The following GXYLT2 variants were observed in gnomAD, a reference collection of about 807,000 sequenced individuals.
GXYLT2 encodes the protein glycosyltransferase 8 domain containing 4.
GXYLT2 carries 53 observed loss-of-function variants against 45.8 expected under a neutral mutation model. That is an observed-to-expected ratio of 1.16 (90% CI 0.93 to 1.46). The LOEUF is 1.46. Ranked by LOEUF, GXYLT2 falls within the 40% of genes most tolerant of loss-of-function variation. The probability of loss-of-function intolerance (pLI) is 0.00; values close to 1 mark genes in which losing one functional copy is unlikely to be tolerated. For synonymous variants in GXYLT2, 219 were observed against 214.2 expected (o/e 1.02, Z -0.19); for missense variants, 551 against 544.4 (o/e 1.01, Z -0.12).
At chr3:72,968,507 A>G (rs375300488) in intron 6 of GXYLT2, among the ~76,000 whole-genome samples, 1 of 152,262 alleles carries the variant, frequency 6.6e-6, no homozygotes, top group Non-Finnish European at 1.5e-5. Flanking sequence ...GCAGAAGTGC[A>G]TGCAAGCAGC....
intron 3 of GXYLT2, 103 bp downstream of exon 3, chr3:72,922,438 T>G (rs1709848456): frequency 2.5e-6 from 3 of 1,178,356 alleles, no homozygotes; most frequent in African/African-American, 1.5e-5. Context: ...TGAAAACCTG[T>G]GTCTCTTGGA....
chr3:72,956,214 C>G (rs1301750436), intron 4 of GXYLT2, among the ~76,000 whole-genome samples: 11 of 151,850 alleles, frequency 7.2e-5, no homozygotes, highest in Non-Finnish European at 1.3e-4. Context: ...GCACTTCACC[C>G]TAAACAACAG....
In GXYLT2 at chr3:72,975,367, A is replaced by AC. The variant is rs371869973; in HGVS notation, c.*208_*209insC. On this transcript the variant is annotated 3_prime_UTR_variant, in exon 7 of 7. Coordinates refer to ENST00000389617, the MANE Select transcript of GXYLT2 (RefSeq NM_001080393.2). ...TTTTCTAAAATGCTATTTATCTCTA[A>AC]GGAAAAAAAAAAAAGACTATTACTC... is the stretch of plus-strand genomic sequence containing the variant. 176 of 327,176 alleles carry AC rather than the reference A, an allele frequency of 5.4e-4. No individual in the cohort carries two copies. In the African/African-American group the frequency reaches 5.9e-3, roughly 11 times the overall value. The allele number at this position is 327,176 out of a possible 1,614,324, so 20.3% of individuals were successfully genotyped here. A position where few individuals can be genotyped will look rare whatever the true frequency, so the allele number is the denominator to read the frequency against.
chr3:72,966,635 GT>G (rs35233279), intron 5 of GXYLT2, among the ~76,000 whole-genome samples: 4 of 147,900 alleles, frequency 2.7e-5, no homozygotes, highest in South Asian at 4.3e-4. Context: ...TGGTTTGTTC[GT>G]TTTTTTTTGT....
chr3:72,898,448 A>G (rs932306575), intron 1 of GXYLT2, among the ~76,000 whole-genome samples: 1 of 152,244 alleles, frequency 6.6e-6, no homozygotes, highest in Non-Finnish European at 1.5e-5. Flanking sequence ...GGAGATGGAG[A>G]AATAGAATCT....
chr3:72,962,150 C>A (rs974621220), intron 5 of GXYLT2, among the ~76,000 whole-genome samples: 10 of 152,162 alleles, frequency 6.6e-5, no homozygotes, highest in African/African-American at 2.4e-4. Context: ...TTCACCACAC[C>A]AAAGCACCCA....
chr3:72,970,106 A>T (rs1405680611), intron 6 of GXYLT2, among the ~76,000 whole-genome samples: 3 of 151,950 alleles, frequency 2.0e-5, no homozygotes, highest in Non-Finnish European at 4.4e-5. Context: ...ATCCTAGCAC[A>T]TTGGGAGGCT....
chr3:72,939,706 G>T (rs1244004255), intron 3 of GXYLT2, among the ~76,000 whole-genome samples: 1 of 148,374 alleles, frequency 6.7e-6, no homozygotes, highest in Non-Finnish European at 1.5e-5. Context: ...TTTAAACATG[G>T]GTCTCAGTCT....
chr3:72,956,815 G>A (rs958191506), intron 4 of GXYLT2, among the ~76,000 whole-genome samples: 3 of 151,620 alleles, frequency 2.0e-5, no homozygotes, highest in Non-Finnish European at 4.4e-5. Flanking sequence ...GCTTGAACCC[G>A]GGAGGTGGAG....
At chr3:72,904,444 C>T (rs1709466167) in intron 1 of GXYLT2, among the ~76,000 whole-genome samples, 1 of 152,290 alleles carries the variant, frequency 6.6e-6, no homozygotes, top group South Asian at 2.1e-4. Context: ...GCAAAGGTCT[C>T]ATTAAATCCC....
chr3:72,888,276 C>T lies in GXYLT2; in HGVS notation c.43C>T (p.Leu15=), dbSNP rs1446044780. 1 of 994,594 alleles carries T rather than the reference C, an allele frequency of 1.0e-6. No individual in the cohort carries two copies. Among genetic ancestry groups the T allele is most frequent in the Non-Finnish European group, 1.2e-6 (1 of 838,544 alleles). The allele number at this position is 994,594 out of a possible 1,614,324, so 61.6% of individuals were successfully genotyped here. A position where few individuals can be genotyped will look rare whatever the true frequency, so the allele number is the denominator to read the frequency against. The change falls in exon 1 of 7, where the codon CTG becomes TTG. Residue 15 remains leucine, a synonymous_variant. Coordinates refer to ENST00000389617, the MANE Select transcript of GXYLT2 (RefSeq NM_001080393.2). ...SKAAALLLLA[L]AALLLALLSL... is the part of the protein sequence containing the mutation. ...GGCGGCGGCGCTGCTCTTGCTCGCG[C>T]TGGCCGCGCTGCTGCTGGCGCTGCT...
At chr3:72,930,542 G>C (rs1472120564) in intron 3 of GXYLT2, among the ~76,000 whole-genome samples, 1 of 148,688 alleles carries the variant, frequency 6.7e-6, no homozygotes, top group Non-Finnish European at 1.5e-5. Context: ...TTCATCAACA[G>C]TAGTAGGAGA....
chr3:72,969,205 A>G (rs1377950776), intron 6 of GXYLT2, among the ~76,000 whole-genome samples: 1 of 152,138 alleles, frequency 6.6e-6, no homozygotes, highest in East Asian at 1.9e-4. Flanking sequence ...CTTTCTCAAG[A>G]AAACTACAAC....
At chr3:72,959,858 C>T (rs1348670489) in intron 5 of GXYLT2, among the ~76,000 whole-genome samples, 1 of 152,184 alleles carries the variant, frequency 6.6e-6, no homozygotes. Context: ...TGGTCTCGAA[C>T]TCCTGACCTC....
At chr3:72,933,505 G>T (rs1710084506) in intron 3 of GXYLT2, among the ~76,000 whole-genome samples, 1 of 152,138 alleles carries the variant, frequency 6.6e-6, no homozygotes, top group South Asian at 2.1e-4. Flanking sequence ...GGTTGAAAGT[G>T]ATCATATATG....
chr3:72,962,574 A>C (rs921672853), intron 5 of GXYLT2, among the ~76,000 whole-genome samples: 2 of 152,226 alleles, frequency 1.3e-5, no homozygotes, highest in African/African-American at 4.8e-5. Context: ...AAGGAGGTAT[A>C]AGTTGCATTT....
intron 4 of GXYLT2, among the ~76,000 whole-genome samples, chr3:72,955,710 G>A (rs1402226242): frequency 2.6e-5 from 4 of 152,116 alleles, no homozygotes; most frequent in African/African-American, 9.7e-5. Context: ...AAGGATGTTC[G>A]TGATCTCATC....
chr3:72,889,922 T>G (rs1281520632), intron 1 of GXYLT2, among the ~76,000 whole-genome samples: 546 of 150,484 alleles, frequency 3.6e-3, no homozygotes, highest in African/African-American at 0.012. Flanking sequence ...TTTTTTTTTT[T>G]TGTGACAAAG....
At chr3:72,905,714 C>T (rs561787295) in intron 1 of GXYLT2, among the ~76,000 whole-genome samples, 2 of 152,308 alleles carry the variant, frequency 1.3e-5, no homozygotes, top group South Asian at 4.1e-4. Context: ...AATGGCTCTC[C>T]AAAGTGTTCA....
Sources: allele counts gnomAD v4.1 joint callset (sites outside exome capture counted in the v4.1 genomes callset), GRCh38; gene constraint gnomAD v4.1.1; transcripts MANE v1.5; gene names NCBI Gene and HGNC (gene_info 2026-07-23, HGNC 2026-07-21).